The following PARP15 variants were observed in gnomAD, a reference collection of about 807,000 sequenced individuals.
PARP15 encodes poly(ADP-ribose) polymerase family member 15.
A neutral mutation model predicts 62.1 loss-of-function variants in PARP15; 50 were observed. That is an observed-to-expected ratio of 0.81 (90% CI 0.64 to 1.02). PARP15 has a LOEUF of 1.02. Ranked by LOEUF, PARP15 falls within the 50% of genes least tolerant of loss-of-function variation. The probability of loss-of-function intolerance (pLI) is 0.00; values close to 1 mark genes in which losing one functional copy is unlikely to be tolerated. For missense variants in PARP15, 820 were observed against 826.5 expected, an observed-to-expected ratio of 0.99 and a Z score of 0.10; for synonymous variants, 309 against 293.1, an observed-to-expected ratio of 1.05 and a Z score of -0.55.
intron 1 of PARP15, among the ~76,000 whole-genome samples, chr3:122,579,056 A>T (rs977568221): frequency 1.3e-5 from 2 of 152,210 alleles, no homozygotes; most frequent in African/African-American, 4.8e-5. Context: ...TTGTGTGTGT[A>T]TGTTAAGAAT....
chr3:122,617,877 T>C (rs1375921520), intron 6 of PARP15, among the ~76,000 whole-genome samples: 1 of 152,134 alleles, frequency 6.6e-6, no homozygotes, highest in Non-Finnish European at 1.5e-5. Flanking sequence ...TACAGGCATG[T>C]GCCACCCCCT....
intron 1 of PARP15, 139 bp downstream of exon 1, chr3:122,577,992 C>T (rs2107788560): frequency 1.2e-6 from 1 of 803,078 alleles, no homozygotes; most frequent in Non-Finnish European, 1.8e-6. Context: ...ACTACACTGA[C>T]TTCCCTGTTC....
chr3:122,617,495 A>G (rs1936058518), intron 6 of PARP15, among the ~76,000 whole-genome samples: 1 of 152,200 alleles, frequency 6.6e-6, no homozygotes, highest in South Asian at 2.1e-4. Flanking sequence ...TTCCACAAGT[A>G]TAGTTTAGTA....
chr3:122,608,213 C>CTTTTTTTTTTTTTTT (rs71136576), intron 2 of PARP15, among the ~76,000 whole-genome samples: 1 of 113,914 alleles, frequency 8.8e-6, no homozygotes. Context: ...TTTCTCTTTT[C>CTTTTTTTTTTTTTTT]TTTTTTTTTT....
chr3:122,597,508 C>T (rs557380946), intron 1 of PARP15, among the ~76,000 whole-genome samples: 2 of 152,096 alleles, frequency 1.3e-5, no homozygotes, highest in Non-Finnish European at 2.9e-5. Context: ...GTGATCTGCC[C>T]GCCTTGGCCT....
intron 1 of PARP15, among the ~76,000 whole-genome samples, chr3:122,588,951 A>G (rs577946138): frequency 2.0e-5 from 3 of 152,206 alleles, no homozygotes; most frequent in South Asian, 2.1e-4. Context: ...TTGTATGAAT[A>G]TATCACCTTT....
At chr3:122,619,724 T>C in intron 6 of PARP15, 57 bp from the exon 7 acceptor site, 2 of 1,427,674 alleles carry the variant, frequency 1.4e-6, no homozygotes, top group Admixed American at 1.7e-5. Flanking sequence ...GTACAAAAAC[T>C]ATAACCACTT....
intron 1 of PARP15, among the ~76,000 whole-genome samples, chr3:122,593,090 G>GTCTGTCTATCTATCTA (rs1553727450): frequency 4.2e-4 from 62 of 147,866 alleles, no homozygotes; most frequent in Admixed American, 8.2e-4. Context: ...AAAATTATCT[G>GTCTGTCTATCTATCTA]TCTATCTATC....
intron 4 of PARP15, chr3:122,615,393 C>A (rs1488460935): frequency 7.7e-7 from 1 of 1,297,156 alleles, no homozygotes; most frequent in African/African-American, 1.5e-5. Flanking sequence ...TGTTGCCCTG[C>A]CCCCTGCTCA....
chr3:122,632,010 G>C (rs1937083687), intron 9 of PARP15, 76 bp from the exon 10 acceptor site: 1 of 1,543,304 alleles, frequency 6.5e-7, no homozygotes, highest in East Asian at 2.2e-5. Context: ...CGAGAGACAA[G>C]TGCAGAGGAG....
chr3:122,635,266 T>C lies in PARP15; in HGVS notation c.1747+72T>C, dbSNP rs982019530. Reference sequence around the variant, plus strand: ...TCTCAGACTTTTCATACCCAAGCAGTGTGGAACCATGGTGGGCAGCTGTAT... The same window carrying C: ...TCTCAGACTTTTCATACCCAAGCAGCGTGGAACCATGGTGGGCAGCTGTAT... On this transcript the variant is annotated intron_variant, in intron 11 of 11. Transcript: ENST00000464300. 2.1e-6 allele frequency: 3 copies of C among 1,397,468 alleles called. No individual in the cohort carries two copies. The Admixed American group carries it at 6.5e-5, about 30-fold the overall frequency. The allele number at this position is 1,397,468 out of a possible 1,614,324, so 86.6% of individuals were successfully genotyped here.
chr3:122,607,253 A>G (rs1935217752), intron 2 of PARP15, among the ~76,000 whole-genome samples: 1 of 152,236 alleles, frequency 6.6e-6, no homozygotes, highest in African/African-American at 2.4e-5. Context: ...TGATATAACC[A>G]GAAGAACTGG....
At chr3:122,589,482 CT>C (rs1933700939) in intron 1 of PARP15, among the ~76,000 whole-genome samples, 1 of 152,168 alleles carries the variant, frequency 6.6e-6, no homozygotes, top group Non-Finnish European at 1.5e-5. Flanking sequence ...TGGTAACTAA[CT>C]TTTTAAGGAA....
intron 1 of PARP15, among the ~76,000 whole-genome samples, chr3:122,580,005 A>ATGTG (rs1299559421): frequency 1.6e-4 from 13 of 82,170 alleles, no homozygotes; most frequent in Non-Finnish European, 2.5e-4. Context: ...ATATGTATAT[A>ATGTG]TATATATATA....
rs1576520422 is a variant in PARP15, at chr3:122,613,413, C to G, written c.771+145C>G. On this transcript the variant is annotated intron_variant, in intron 4 of 11. Transcript: ENST00000464300. ...AATGGGAGGTTGTCATATGACTTAA[C>G]TATGAGCCAACACTGATAACTCATG... is the stretch of plus-strand genomic sequence containing the variant. 10 of 697,002 alleles carry G rather than the reference C, an allele frequency of 1.4e-5. No homozygotes were observed. In the East Asian group the frequency reaches 2.7e-4, roughly 19 times the overall value. The allele number at this position is 697,002 out of a possible 1,614,324, so 43.2% of individuals were successfully genotyped here.
rs1369425196 is a variant in PARP15, at chr3:122,577,722, C to A, written c.55C>A (p.Pro19Thr). The A allele has an allele frequency of 6.4e-7, 1 of 1,551,694 alleles. No homozygotes were observed. Among genetic ancestry groups the A allele is most frequent in the Non-Finnish European group, 8.7e-7 (1 of 1,146,974 alleles). The change falls in exon 1 of 12, where the codon CCC becomes ACC. Residue 19 changes from proline (P) to threonine (T), a missense_variant. Transcript: ENST00000464300. ...TGCTCTGAGTCCAGGGGCTCCGACC[C>A]CCAGAGAACTTATGCACGGAGTTGC... ...AAALSPGAPT[P>T]RELMHGVAGV...
intron 1 of PARP15, among the ~76,000 whole-genome samples, chr3:122,590,397 C>G (rs7640478): frequency 0.52 from 78,407 of 151,266 alleles, 20,522 homozygotes; most frequent in African/African-American, 0.57. Flanking sequence ...CTCAGCCTCC[C>G]GAGTAGCTGG....
intron 9 of PARP15, among the ~76,000 whole-genome samples, chr3:122,631,624 G>T (rs541393989): frequency 6.9e-4 from 105 of 152,274 alleles, no homozygotes; most frequent in Non-Finnish European, 8.5e-4. Flanking sequence ...TTTACATGGT[G>T]CTTTCTCTAC....
At chr3:122,597,828 A>T (rs951019764) in intron 1 of PARP15, among the ~76,000 whole-genome samples, 14 of 152,146 alleles carry the variant, frequency 9.2e-5, no homozygotes, top group Non-Finnish European at 1.5e-4. Context: ...AAATCCATGG[A>T]TCCTCAAGTC....
Sources: allele counts gnomAD v4.1 joint callset (sites outside exome capture counted in the v4.1 genomes callset), GRCh38; gene constraint gnomAD v4.1.1; transcripts MANE v1.5; gene names NCBI Gene and HGNC (gene_info 2026-07-23, HGNC 2026-07-21).